Variants in CLMN observed in about 807,000 individuals in gnomAD.
The protein encoded by CLMN is calmin (calponin-like, transmembrane).
A neutral mutation model predicts 92.7 loss-of-function variants in CLMN; 57 were observed. The ratio of observed to expected loss-of-function variants is 0.61; its 90% CI spans 0.50 to 0.77. CLMN has a LOEUF of 0.77. CLMN is among the 30% of genes least tolerant of loss of function. The pLI, the probability that CLMN is intolerant of heterozygous loss-of-function variation, is 0.00. For missense variants in CLMN, 1,158 were observed against 1,237.5 expected, an observed-to-expected ratio of 0.94 and a Z score of 0.96; for synonymous variants, 466 against 470.6, an observed-to-expected ratio of 0.99 and a Z score of 0.13.
intron 1 of CLMN, among the ~76,000 whole-genome samples, chr14:95,284,371 G>A (rs1364691311): frequency 6.6e-6 from 1 of 152,240 alleles, no homozygotes; most frequent in African/African-American, 2.4e-5. Context: ...CCCCCATACA[G>A]AGTCCCTACT....
Position 95,319,771 on chromosome 14 carries a change from A to G in CLMN, c.22T>C (p.Trp8Arg), listed in dbSNP as rs373964350. 28 of 1,593,430 alleles carry G rather than the reference A, an allele frequency of 1.8e-5. No individual in the cohort carries two copies. In the African/African-American group the frequency reaches 3.6e-4, roughly 20 times the overall value. ...CCGATGAGCTCCTCGCGTTGGAACCAGTCCCACTCGTGTGCAGCCATGAAG... is the reference window on the plus strand; with the variant it reads ...CCGATGAGCTCCTCGCGTTGGAACCGGTCCCACTCGTGTGCAGCCATGAAG... The part of the protein sequence containing the change: MAAHEWD[W>R]FQREELIGQI... Residue 8 changes from tryptophan to arginine, a missense_variant, in exon 1 of 13, where the codon TGG (tryptophan) becomes CGG (arginine). Trp to Arg is a moderately radical substitution (Grantham distance 101). Coordinates refer to ENST00000298912, the MANE Select transcript of CLMN (RefSeq NM_024734.4).
At chr14:95,193,462 C>A in intron 12 of CLMN, 1 of 1,214,886 alleles carries the variant, frequency 8.2e-7, no homozygotes, top group South Asian at 1.4e-5. Context: ...CTACAGCATT[C>A]ACAGGGGCCA....
intron 1 of CLMN, among the ~76,000 whole-genome samples, chr14:95,273,500 A>G (rs1899796377): frequency 2.0e-5 from 3 of 152,194 alleles, no homozygotes; most frequent in African/African-American, 7.2e-5. Context: ...TAACACTCCA[A>G]TCTGTGGCTG....
At position 95,191,640 on chromosome 14, in the gene CLMN, A is replaced by G; in HGVS notation, c.2933T>C (p.Met978Thr). The change falls in exon 13 of 13, where the codon ATG becomes ACG. Residue 978 changes from methionine to threonine, a missense_variant. By Grantham distance (81) the Met-to-Thr change is moderately conservative (BLOSUM62 -1). Coordinates refer to ENST00000298912, the MANE Select transcript of CLMN (RefSeq NM_024734.4). The surrounding 1 kb of genome is among the most constrained non-coding windows in gnomAD (Gnocchi z 5.3). ...LTQLVQQPDM[M>T]YFILFLWLLV... The stretch of plus-strand genomic sequence containing the variant: ...GAGCCACAGGAAGAGAATAAAATAC[A>G]TCATATCCGGCTGCTGGACAAGCTG... The G allele has an allele frequency of 6.2e-7, 1 of 1,613,884 alleles. No individual in the cohort carries two copies. Among genetic ancestry groups the G allele is most frequent in the East Asian group, 2.2e-5 (1 of 44,876 alleles).
rs1167115830 is a variant in CLMN, at chr14:95,182,703, C to G, written c.*8861G>C. ...TTTCAGAAGCCTTTTTGAGTCGTTA[C>G]TCGGGGAAGGGGAAAAGATGAGGGA... On this transcript the variant is annotated 3_prime_UTR_variant, in exon 13 of 13. Coordinates refer to ENST00000298912, the MANE Select transcript of CLMN (RefSeq NM_024734.4). The G allele has an allele frequency of 6.6e-6, 1 of 152,156 alleles. No individual in the cohort carries two copies. The highest frequency in any genetic ancestry group is 6.5e-5 in the Admixed American group (1 of 15,282). 9.4% of individuals were successfully genotyped at this position (152,156 alleles called of 1,614,324 possible). A position where few individuals can be genotyped will look rare whatever the true frequency, so the allele number is the denominator to read the frequency against.
In CLMN at chr14:95,213,423, G is replaced by T; in HGVS notation, c.418-14C>A. 6.3e-7 allele frequency: 1 copy of T among 1,593,768 alleles called. No individual in the cohort carries two copies. The highest frequency in any genetic ancestry group is 1.1e-5 in the South Asian group (1 of 88,574). Reference sequence around the variant, plus strand: ...GAGCTCCTTAATCTGGAAGGAAAATGGCATTTCAGACCCCAGCAACAGACC... The same window carrying T: ...GAGCTCCTTAATCTGGAAGGAAAATTGCATTTCAGACCCCAGCAACAGACC... On this transcript the variant is annotated splice_polypyrimidine_tract_variant and intron_variant, in intron 5 of 12. Coordinates refer to ENST00000298912, the MANE Select transcript of CLMN (RefSeq NM_024734.4).
chr14:95,227,260 G>A (rs1897740922), intron 2 of CLMN, among the ~76,000 whole-genome samples: 3 of 152,088 alleles, frequency 2.0e-5, no homozygotes, highest in African/African-American at 2.4e-5. Flanking sequence ...CCCTTTATAC[G>A]AGTCCCTTTA....
In CLMN at chr14:95,294,508, C is replaced by A. The variant is rs1044381897; in HGVS notation, c.82+25203G>T. 6.6e-6 allele frequency among the ~76,000 whole-genome samples: 1 copy of A among 152,162 alleles called. No individual in the cohort carries two copies. Among genetic ancestry groups the A allele is most frequent in the Non-Finnish European group, 1.5e-5 (1 of 68,022 alleles). ...CCAACAGAAAGGCCCTGGAGACAGA[C>A]CTGCATCCACATTCCGGCTCCCCCT... On this transcript the variant is annotated intron_variant, in intron 1 of 12. Coordinates refer to ENST00000298912, the MANE Select transcript of CLMN (RefSeq NM_024734.4). The surrounding 1 kb of genome is among the most constrained non-coding windows in gnomAD (Gnocchi z 4.2).
intron 1 of CLMN, among the ~76,000 whole-genome samples, chr14:95,245,219 T>TA (rs1898462089): frequency 1.3e-4 from 4 of 29,820 alleles, no homozygotes; most frequent in African/African-American, 6.3e-4. Flanking sequence ...TATATATATA[T>TA]ATATATTATA....
intron 1 of CLMN, among the ~76,000 whole-genome samples, chr14:95,240,050 G>C (rs1300528163): frequency 6.6e-6 from 1 of 152,204 alleles, no homozygotes; most frequent in Non-Finnish European, 1.5e-5. Context: ...CTATACAGGA[G>C]TCTAGGAGCA....
At chr14:95,241,921 C>T (rs1444583781) in intron 1 of CLMN, among the ~76,000 whole-genome samples, 2 of 152,164 alleles carry the variant, frequency 1.3e-5, no homozygotes, top group Admixed American at 6.5e-5. Flanking sequence ...GAAGTCTGGT[C>T]ACCAGAGTAC....
In CLMN at chr14:95,182,548, A is replaced by T. The variant is rs888600121; in HGVS notation, c.*9016T>A. ...TGGTGCAATTTCAAGGGCAGAGGGC[A>T]GGTGTCCCCTGCACCACATTCCCTC... is the stretch of plus-strand genomic sequence containing the variant. On this transcript the variant is annotated 3_prime_UTR_variant, in exon 13 of 13. Transcript: ENST00000298912. 5 of 152,240 alleles carry T rather than the reference A, an allele frequency of 3.3e-5. No individual in the cohort carries two copies. Among genetic ancestry groups the T allele is most frequent in the Non-Finnish European group, 7.3e-5 (5 of 68,052 alleles). The allele number at this position is 152,240 out of a possible 1,614,324, so 9.4% of individuals were successfully genotyped here.
intron 1 of CLMN, among the ~76,000 whole-genome samples, chr14:95,319,169 G>A (rs1901925634): frequency 1.3e-5 from 2 of 152,208 alleles, no homozygotes; most frequent in South Asian, 4.1e-4. Flanking sequence ...CAAAGTGGCC[G>A]CTGGAGTTGG....
chr14:95,225,657 C>T (rs570877195), intron 2 of CLMN, among the ~76,000 whole-genome samples: 1 of 152,324 alleles, frequency 6.6e-6, no homozygotes, highest in South Asian at 2.1e-4. Flanking sequence ...CTTCTCTCTG[C>T]CCCACTCACT....
In CLMN at chr14:95,238,476, T is replaced by C. The variant is rs915654499; in HGVS notation, c.83-8343A>G. On this transcript the variant is annotated intron_variant, in intron 1 of 12. Coordinates refer to ENST00000298912, the MANE Select transcript of CLMN (RefSeq NM_024734.4). ...TTTTGCATTTAATTTCCTTTGTTTT[T>C]CCTCCCCTCATGTTTGCTCTGACCC... Among the ~76,000 whole-genome samples, 8 of 152,318 alleles carry C rather than the reference T, an allele frequency of 5.3e-5. 1 individual carries two copies. The highest frequency in any genetic ancestry group is 1.9e-4 in the African/African-American group (8 of 41,556).
intron 1 of CLMN, among the ~76,000 whole-genome samples, chr14:95,250,733 C>A (rs8004635): frequency 2.6e-5 from 4 of 152,064 alleles, no homozygotes; most frequent in South Asian, 2.1e-4. Context: ...GAGGTCACCC[C>A]GTTAAGTCAG....
At chr14:95,288,179 T>C (rs536975963) in intron 1 of CLMN, among the ~76,000 whole-genome samples, 1 of 152,328 alleles carries the variant, frequency 6.6e-6, no homozygotes, top group South Asian at 2.1e-4. Flanking sequence ...AGAAGACCTG[T>C]ATCCTAAGGC....
In CLMN at chr14:95,276,958, G is replaced by A. The variant is rs201384827; in HGVS notation, c.82+42753C>T. On this transcript the variant is annotated intron_variant, in intron 1 of 12. Transcript: ENST00000298912. ...AGTGAAAAAGATGATTTTTTTTTTT[G>A]GGTAACATGGCTTGGCCCCCCCATA... Among the ~76,000 whole-genome samples the A allele has an allele frequency of 2.8e-4, 31 of 110,052 alleles. No individual in the cohort carries two copies. The South Asian group carries it at 8.5e-3, about 30-fold the overall frequency. 72.2% of individuals were successfully genotyped at this position (110,052 alleles called of 152,430 possible).
chr14:95,213,712 C>T (rs1237312708), intron 5 of CLMN, among the ~76,000 whole-genome samples: 2 of 152,100 alleles, frequency 1.3e-5, no homozygotes, highest in Non-Finnish European at 2.9e-5. Flanking sequence ...CCAACTCTGC[C>T]GCCCCTTTCC....
Sources: allele counts gnomAD v4.1 joint callset (sites outside exome capture counted in the v4.1 genomes callset), GRCh38; gene constraint gnomAD v4.1.1; non-coding constraint Gnocchi (gnomAD v3.1); transcripts MANE v1.5; gene names NCBI Gene and HGNC (gene_info 2026-07-23, HGNC 2026-07-21).